The following NPAS3 variants were observed in gnomAD, a reference collection of about 807,000 sequenced individuals.
The protein encoded by NPAS3 is neuronal PAS domain-containing protein 3.
In NPAS3, 14 loss-of-function variants were observed where a neutral mutation model predicts 73.1. The observed-to-expected ratio is 0.19, with a 90% confidence interval of 0.13 to 0.30. The LOEUF is 0.30. NPAS3 is among the 10% of genes least tolerant of loss of function. The pLI, the probability that NPAS3 is intolerant of heterozygous loss-of-function variation, is 1.00. For synonymous variants in NPAS3, 620 were observed against 541.5 expected (o/e 1.14, Z -2.01); for missense variants, 1,096 against 1,250.0 (o/e 0.88, Z 1.86).
intron 3 of NPAS3, among the ~76,000 whole-genome samples, chr14:33,307,456 G>C (rs977895336): frequency 6.6e-6 from 1 of 152,072 alleles, no homozygotes; most frequent in African/African-American, 2.4e-5. Context: ...TTTGCAGACA[G>C]TGTAATTAGG....
chr14:33,384,206 G>A (rs1012269459), intron 4 of NPAS3, among the ~76,000 whole-genome samples: 23 of 152,070 alleles, frequency 1.5e-4, no homozygotes, highest in Admixed American at 3.9e-4. Context: ...AGGAGGGTCC[G>A]TTTTATTTTA....
chr14:33,308,310 CA>C (rs1023276861), intron 3 of NPAS3, among the ~76,000 whole-genome samples: 4 of 151,808 alleles, frequency 2.6e-5, no homozygotes, highest in Non-Finnish European at 5.9e-5. Context: ...ACAACAAAAC[CA>C]AACACTTTTT....
intron 3 of NPAS3, among the ~76,000 whole-genome samples, chr14:33,238,418 T>C (rs749563202): frequency 2.0e-4 from 30 of 152,172 alleles, no homozygotes; most frequent in South Asian, 6.2e-4. Context: ...AGACAAATGT[T>C]GTAAACTCTT....
intron 4 of NPAS3, among the ~76,000 whole-genome samples, chr14:33,379,319 A>T (rs879274117): frequency 2.0e-5 from 3 of 151,958 alleles, no homozygotes; most frequent in Non-Finnish European, 4.4e-5. Flanking sequence ...ACCAAGCTTT[A>T]TGGATAAGGG....
intron 3 of NPAS3, among the ~76,000 whole-genome samples, chr14:33,324,928 T>G (rs1000079315): frequency 2.0e-5 from 3 of 152,166 alleles, no homozygotes; most frequent in African/African-American, 7.2e-5. Flanking sequence ...AGCTCATCAC[T>G]GTTATTGTTT....
intron 3 of NPAS3, among the ~76,000 whole-genome samples, chr14:33,329,028 A>G (rs1376765672): frequency 6.6e-6 from 1 of 152,006 alleles, no homozygotes; most frequent in Non-Finnish European, 1.5e-5. Flanking sequence ...TTTTTTTGGC[A>G]TTAATTTTAC....
chr14:33,482,172 G>T (rs1440981532), intron 4 of NPAS3, among the ~76,000 whole-genome samples: 3 of 151,888 alleles, frequency 2.0e-5, no homozygotes, highest in Admixed American at 2.0e-4. Flanking sequence ...GTAAAAGTAG[G>T]AAATTAGTTC....
chr14:33,312,063 A>T (rs2043023820), intron 3 of NPAS3, among the ~76,000 whole-genome samples: 1 of 152,134 alleles, frequency 6.6e-6, no homozygotes, highest in Non-Finnish European at 1.5e-5. Context: ...GCATTTGGTG[A>T]GTTGACTTGA....
chr14:33,484,314 C>T (rs2051474435), intron 4 of NPAS3, among the ~76,000 whole-genome samples: 1 of 152,088 alleles, frequency 6.6e-6, no homozygotes, highest in Admixed American at 6.5e-5. Context: ...TTTCTAGCCC[C>T]GGAGACTGCA....
At chr14:33,516,558 C>T (rs565423686) in intron 4 of NPAS3, among the ~76,000 whole-genome samples, 1 of 152,250 alleles carries the variant, frequency 6.6e-6, no homozygotes, top group South Asian at 2.1e-4. Flanking sequence ...CCAGCTTGAC[C>T]ATCTAATAGC....
At chr14:33,213,758 A>G (rs954441309) in intron 2 of NPAS3, 1 of 152,228 alleles carries the variant, frequency 6.6e-6, no homozygotes, top group African/African-American at 2.4e-5. Flanking sequence ...TTTGTTAGCT[A>G]ATGTAGACTA....
Position 33,089,857 on chromosome 14 carries a change from G to A in NPAS3, c.140+33863G>A, listed in dbSNP as rs144847361. 5.7e-3 allele frequency among the ~76,000 whole-genome samples: 875 copies of A among 152,272 alleles called. 1 individual carries two copies. The highest frequency in any genetic ancestry group is 0.02 in the African/African-American group (822 of 41,538). ...GAGGCCAATATTCAACATTCTTAAA[G>A]AAAAGAATTTTCAACCTAAAATTTC... On this transcript the variant is annotated intron_variant, in intron 2 of 11. Transcript: ENST00000356141.
chr14:33,259,595 A>G (rs1175427825), intron 3 of NPAS3, among the ~76,000 whole-genome samples: 3 of 152,240 alleles, frequency 2.0e-5, no homozygotes, highest in Admixed American at 2.0e-4. Context: ...GTGATAGGCA[A>G]TGCTGAAAAA....
At chr14:33,420,760 T>C (rs2048332695) in intron 4 of NPAS3, among the ~76,000 whole-genome samples, 1 of 151,952 alleles carries the variant, frequency 6.6e-6, no homozygotes, top group Non-Finnish European at 1.5e-5. Flanking sequence ...ATTGTGAATA[T>C]TCTACAGATT....
chr14:33,356,825 C>CCTTTT (rs1408205117), intron 3 of NPAS3, among the ~76,000 whole-genome samples: 1 of 152,184 alleles, frequency 6.6e-6, no homozygotes, highest in Admixed American at 6.5e-5. Context: ...ATATTAAGAA[C>CCTTTT]CTCTAATAGA....
At chr14:33,018,883 G>A (rs1364521601) in intron 1 of NPAS3, among the ~76,000 whole-genome samples, 1 of 151,908 alleles carries the variant, frequency 6.6e-6, no homozygotes, top group Non-Finnish European at 1.5e-5. Flanking sequence ...ACGTTTGTAT[G>A]CACATAAAGG....
At chr14:33,347,670 T>C (rs1261639782) in intron 3 of NPAS3, among the ~76,000 whole-genome samples, 1 of 152,214 alleles carries the variant, frequency 6.6e-6, no homozygotes, top group Non-Finnish European at 1.5e-5. Flanking sequence ...AACAAAATCC[T>C]TGGATGCTCC....
chr14:33,739,739 C>T (rs1338784434), intron 7 of NPAS3, among the ~76,000 whole-genome samples: 1 of 152,140 alleles, frequency 6.6e-6, no homozygotes, highest in Admixed American at 6.5e-5. Flanking sequence ...GGTTACAAAA[C>T]CCTATTTAAC....
intron 2 of NPAS3, among the ~76,000 whole-genome samples, chr14:33,123,571 C>G (rs141445384): frequency 1.2e-4 from 18 of 152,162 alleles, no homozygotes; most frequent in African/African-American, 3.9e-4. Flanking sequence ...CAGAAGAAAC[C>G]ACTATCTGCC....
Sources: allele counts gnomAD v4.1 joint callset (sites outside exome capture counted in the v4.1 genomes callset), GRCh38; gene constraint gnomAD v4.1.1; transcripts MANE v1.5; gene names NCBI Gene and HGNC (gene_info 2026-07-23, HGNC 2026-07-21).